GAS7: variants seen among roughly 807,000 people sequenced by gnomAD.
The protein encoded by GAS7 is growth arrest-specific protein 7.
A neutral mutation model predicts 71.1 loss-of-function variants in GAS7; 28 were observed. The ratio of observed to expected loss-of-function variants is 0.39; its 90% CI spans 0.29 to 0.54. The LOEUF is 0.54. GAS7 is among the 20% of genes least tolerant of loss of function. The pLI is 0.62. For synonymous variants in GAS7, 258 were observed against 245.8 expected, an observed-to-expected ratio of 1.05 and a Z score of -0.46; for missense variants, 436 against 627.8, an observed-to-expected ratio of 0.69 and a Z score of 3.27.
At chr17:10,101,673 T>G (rs1431210239) in intron 1 of GAS7, among the ~76,000 whole-genome samples, 1 of 152,162 alleles carries the variant, frequency 6.6e-6, no homozygotes, top group Non-Finnish European at 1.5e-5. Flanking sequence ...CTGCTACCAC[T>G]TAAAACCCAG....
intron 7 of GAS7, among the ~76,000 whole-genome samples, chr17:9,941,081 T>C (rs945295945): frequency 6.6e-6 from 1 of 152,140 alleles, no homozygotes; most frequent in Admixed American, 6.5e-5. Context: ...ACCCAAAGGG[T>C]GCGATGATGG....
intron 1 of GAS7, among the ~76,000 whole-genome samples, chr17:10,082,173 CA>C (rs1226430214): frequency 6.6e-6 from 1 of 152,116 alleles, no homozygotes; most frequent in Non-Finnish European, 1.5e-5. Flanking sequence ...CAAAACAAGA[CA>C]TTGCTAAACA....
chr17:10,010,168 G>T (rs923061553), intron 2 of GAS7, among the ~76,000 whole-genome samples: 4 of 149,478 alleles, frequency 2.7e-5, no homozygotes, highest in Admixed American at 6.7e-5. Context: ...TTTCTTTTTT[G>T]GGGGGGCGTC....
intron 5 of GAS7, among the ~76,000 whole-genome samples, chr17:9,947,325 G>A (rs952107426): frequency 1.3e-5 from 2 of 152,150 alleles, no homozygotes; most frequent in Admixed American, 6.5e-5. Flanking sequence ...TCACGACAGC[G>A]CTATTTATGG....
intron 1 of GAS7, among the ~76,000 whole-genome samples, chr17:10,024,117 CTG>C (rs2072376045): frequency 1.3e-5 from 2 of 152,208 alleles, no homozygotes; most frequent in South Asian, 2.1e-4. Context: ...GAGTGAGACT[CTG>C]TTTCAAAAAT....
chr17:10,118,425 C>T (rs1011310122), intron 1 of GAS7, among the ~76,000 whole-genome samples: 3 of 152,090 alleles, frequency 2.0e-5, no homozygotes, highest in African/African-American at 7.2e-5. Context: ...AAAAAGCCCT[C>T]GTGGGCTGGG....
At chr17:9,927,859 T>A (rs957432112) in intron 9 of GAS7, among the ~76,000 whole-genome samples, 1 of 152,176 alleles carries the variant, frequency 6.6e-6, no homozygotes, top group African/African-American at 2.4e-5. Flanking sequence ...CAAGGGCAAC[T>A]GTCCCGCATT....
intron 5 of GAS7, among the ~76,000 whole-genome samples, chr17:9,953,129 CG>C (rs2069087746): frequency 1.3e-5 from 2 of 151,512 alleles, no homozygotes; most frequent in East Asian, 3.9e-4. Flanking sequence ...ATAAAGGAAA[CG>C]TGGTACATAT....
In GAS7 at chr17:10,106,760, G is replaced by A. The variant is rs80093921; in HGVS notation, c.184-86863C>T. Among the ~76,000 whole-genome samples the A allele has an allele frequency of 3.6e-3, 444 of 123,502 alleles. 14 individuals carry two copies. The East Asian group carries it at 0.085, about 24-fold the overall frequency. The allele number at this position is 123,502 out of a possible 152,430, so 81.0% of individuals were successfully genotyped here. ...CTTCTTCAATTATTAAAAGATACCC[G>A]CTGTGGTAGGCTTGAAAGTGCCCCC... On this transcript the variant is annotated intron_variant, in intron 1 of 13. Transcript: ENST00000432992.
intron 1 of GAS7, among the ~76,000 whole-genome samples, chr17:10,162,325 C>T (rs1338588372): frequency 6.6e-6 from 1 of 152,098 alleles, no homozygotes; most frequent in Non-Finnish European, 1.5e-5. Flanking sequence ...CACACTGAAT[C>T]CTCTCTCTCT....
chr17:10,055,450 C>A (rs1183141108), intron 1 of GAS7, among the ~76,000 whole-genome samples: 1 of 152,204 alleles, frequency 6.6e-6, no homozygotes, highest in Non-Finnish European at 1.5e-5. Context: ...TCCCTGTTCC[C>A]AGACTTCCTG....
chr17:10,142,972 ACCAG>A (rs1041402825), intron 1 of GAS7, among the ~76,000 whole-genome samples: 2 of 151,098 alleles, frequency 1.3e-5, no homozygotes, highest in Admixed American at 1.3e-4. Flanking sequence ...GGAGTTCGAG[ACCAG>A]CCTGGCCAAC....
intron 1 of GAS7, among the ~76,000 whole-genome samples, chr17:10,140,135 G>A (rs973886509): frequency 8.5e-5 from 13 of 152,120 alleles, no homozygotes; most frequent in African/African-American, 3.1e-4. Context: ...GCCCCACAAT[G>A]ACATAAGACT....
At chr17:10,072,308 G>GC (rs2073348842) in intron 1 of GAS7, among the ~76,000 whole-genome samples, 1 of 152,144 alleles carries the variant, frequency 6.6e-6, no homozygotes, top group East Asian at 1.9e-4. Context: ...AAAGACTGGG[G>GC]CCCCAGAAGA....
chr17:10,085,141 C>T (rs2073503162), intron 1 of GAS7, among the ~76,000 whole-genome samples: 1 of 152,186 alleles, frequency 6.6e-6, no homozygotes, highest in South Asian at 2.1e-4. Flanking sequence ...TCTGCCCAGT[C>T]TATAACCTTC....
chr17:10,172,840 C>T (rs564018503), intron 1 of GAS7, among the ~76,000 whole-genome samples: 3 of 152,306 alleles, frequency 2.0e-5, no homozygotes, highest in East Asian at 1.9e-4. Context: ...CAACAAAAGA[C>T]TAAAGATTCA....
intron 2 of GAS7, among the ~76,000 whole-genome samples, chr17:10,000,413 A>G (rs999418523): frequency 4.6e-5 from 7 of 152,172 alleles, no homozygotes; most frequent in Non-Finnish European, 8.8e-5. Context: ...AGGCATAAGA[A>G]TCAAAACAAC....
chr17:10,175,237 C>A (rs1243136281), intron 1 of GAS7, among the ~76,000 whole-genome samples: 2 of 123,512 alleles, frequency 1.6e-5, no homozygotes, highest in East Asian at 4.6e-4. Flanking sequence ...ATGGGACAAG[C>A]AAACTGTCCC....
chr17:9,917,854 G>C (rs1468181019), intron 13 of GAS7, 147 bp downstream of exon 13: 4 of 615,002 alleles, frequency 6.5e-6, no homozygotes, highest in Non-Finnish European at 8.6e-6. Flanking sequence ...CAGTCCACGA[G>C]GCCACCCCCA....
Sources: allele counts gnomAD v4.1 joint callset (sites outside exome capture counted in the v4.1 genomes callset), GRCh38; gene constraint gnomAD v4.1.1; transcripts MANE v1.5; gene names NCBI Gene and HGNC (gene_info 2026-07-23, HGNC 2026-07-21).